NRG3: variants seen among roughly 807,000 people sequenced by gnomAD.
The protein encoded by NRG3 is neuregulin 3.
Under a neutral mutation model 66.9 loss-of-function variants are expected in NRG3, and 31 were observed. The ratio of observed to expected loss-of-function variants is 0.46; its 90% CI spans 0.35 to 0.63. The LOEUF is 0.63. Ranked by LOEUF, NRG3 falls within the 20% of genes least tolerant of loss-of-function variation. NRG3 has a pLI of 0.00. For missense variants in NRG3, 910 were observed against 878.9 expected (o/e 1.04, Z -0.45); for synonymous variants, 393 against 359.4 (o/e 1.09, Z -1.06).
At chr10:82,494,652 C>T (rs1843452371) in intron 2 of NRG3, among the ~76,000 whole-genome samples, 1 of 152,116 alleles carries the variant, frequency 6.6e-6, no homozygotes. Context: ...CTAAATCCAT[C>T]ACCCCCAGGC....
chr10:82,223,499 G>A (rs1033732113), intron 1 of NRG3, among the ~76,000 whole-genome samples: 6 of 151,984 alleles, frequency 3.9e-5, no homozygotes, highest in African/African-American at 1.2e-4. Context: ...TTTCCCCCTG[G>A]CCTATCAACT....
intron 1 of NRG3, among the ~76,000 whole-genome samples, chr10:82,186,151 C>G (rs1228783099): frequency 6.6e-6 from 1 of 152,038 alleles, no homozygotes; most frequent in African/African-American, 2.4e-5. Flanking sequence ...TTTACAGAAG[C>G]ATTCAGAACT....
rs138287235 is a variant in NRG3, at chr10:81,993,599, G to T, written c.823+117436G>T. Among the ~76,000 whole-genome samples the T allele has an allele frequency of 6.0e-4, 91 of 152,122 alleles. 3 individuals are homozygous for T. The highest frequency in any genetic ancestry group is 2.1e-3 in the African/African-American group (88 of 41,514). ...TGGCCTCAACTGATCCTCCCACCAT[G>T]TCCTCACAAAGAGGTGGAATTACAG... is the stretch of plus-strand genomic sequence containing the variant. On this transcript the variant is annotated intron_variant, in intron 1 of 8. Coordinates refer to ENST00000372141, the MANE Select transcript of NRG3 (RefSeq NM_001010848.4).
intron 3 of NRG3, among the ~76,000 whole-genome samples, chr10:82,782,663 T>C (rs1242770102): frequency 6.6e-6 from 1 of 151,934 alleles, no homozygotes; most frequent in Non-Finnish European, 1.5e-5. Flanking sequence ...TCATCATGAA[T>C]GGAGTGTTAA....
At chr10:82,900,160 G>C (rs981786683) in intron 4 of NRG3, among the ~76,000 whole-genome samples, 1 of 152,104 alleles carries the variant, frequency 6.6e-6, no homozygotes, top group Non-Finnish European at 1.5e-5. Context: ...ACACAGTATA[G>C]CGAGGACATC....
intron 1 of NRG3, among the ~76,000 whole-genome samples, chr10:81,993,675 A>G (rs1179328922): frequency 6.6e-6 from 1 of 152,154 alleles, no homozygotes; most frequent in Non-Finnish European, 1.5e-5. Context: ...TTATTTTCCA[A>G]TTCCAAATTT....
At chr10:82,410,814 C>T (rs967713113) in intron 2 of NRG3, among the ~76,000 whole-genome samples, 4 of 152,046 alleles carry the variant, frequency 2.6e-5, no homozygotes, top group African/African-American at 9.7e-5. Context: ...AATATTCTTG[C>T]ATACGTTAGC....
At chr10:82,773,231 G>T (rs1830348314) in intron 3 of NRG3, among the ~76,000 whole-genome samples, 2 of 152,016 alleles carry the variant, frequency 1.3e-5, no homozygotes, top group Non-Finnish European at 2.9e-5. Context: ...CTTTCCAACT[G>T]GGTTCACCTT....
chr10:82,675,165 G>A (rs1005665429), intron 2 of NRG3, among the ~76,000 whole-genome samples: 5 of 151,878 alleles, frequency 3.3e-5, no homozygotes, highest in Non-Finnish European at 5.9e-5. Context: ...CTATGTTGAC[G>A]AGGCTGCTCT....
At position 82,890,490 on chromosome 10, in the gene NRG3, C is replaced by G. The variant is rs796737356; in HGVS notation, c.1054+25053C>G. 6.2e-4 allele frequency among the ~76,000 whole-genome samples: 94 copies of G among 152,284 alleles called. 1 individual carries two copies. The highest frequency in any genetic ancestry group is 2.2e-3 in the African/African-American group (93 of 41,570). On this transcript the variant is annotated intron_variant, in intron 4 of 8. Coordinates refer to ENST00000372141, the MANE Select transcript of NRG3 (RefSeq NM_001010848.4). Reference sequence around the variant, plus strand: ...ATTTATTGCATATTATATATACATACATAATATACATTCATCATGTGAATA... The same window carrying G: ...ATTTATTGCATATTATATATACATAGATAATATACATTCATCATGTGAATA...
At chr10:81,987,935 T>C (rs1018594176) in intron 1 of NRG3, among the ~76,000 whole-genome samples, 3 of 152,196 alleles carry the variant, frequency 2.0e-5, no homozygotes, top group Non-Finnish European at 2.9e-5. Context: ...CATTCTTAGA[T>C]TGTCATGACC....
chr10:82,031,052 T>G (rs1415086874), intron 1 of NRG3, among the ~76,000 whole-genome samples: 1 of 152,208 alleles, frequency 6.6e-6, no homozygotes. Flanking sequence ...CACATGGATC[T>G]TCACATATGT....
chr10:81,878,224 G>GT, intron 1 of NRG3: 1 of 719,764 alleles, frequency 1.4e-6, no homozygotes, highest in South Asian at 2.1e-5. Flanking sequence ...TCTGTAAATG[G>GT]TGTCAATGTT....
In NRG3 at chr10:82,105,145, G is replaced by T. The variant is rs1336036694; in HGVS notation, c.823+228982G>T. Among the ~76,000 whole-genome samples, 4 of 152,096 alleles carry T rather than the reference G, an allele frequency of 2.6e-5. No homozygotes were observed. The East Asian group carries it at 5.8e-4, about 22-fold the overall frequency. ...TGAATTCAATGGAAATAGAATCTTT[G>T]TTATTAAAAAGTATTGGAGCTATTC... On this transcript the variant is annotated intron_variant, in intron 1 of 8. Transcript: ENST00000372141.
chr10:82,637,963 C>T (rs1038040920), intron 2 of NRG3, among the ~76,000 whole-genome samples: 1 of 152,060 alleles, frequency 6.6e-6, no homozygotes, highest in Non-Finnish European at 1.5e-5. Context: ...CACTAGAGTA[C>T]TTAAGAGTAG....
At chr10:81,889,705 G>T (rs759191404) in intron 1 of NRG3, 1 of 152,138 alleles carries the variant, frequency 6.6e-6, no homozygotes, top group Non-Finnish European at 1.5e-5. Flanking sequence ...TACATCAGCT[G>T]ACATATACAA....
chr10:82,587,135 T>C (rs2046723565), intron 2 of NRG3, among the ~76,000 whole-genome samples: 1 of 152,132 alleles, frequency 6.6e-6, no homozygotes, highest in South Asian at 2.1e-4. Context: ...AAGTATATCA[T>C]ATTTTTCCAA....
chr10:82,544,267 C>A (rs2043741663), intron 2 of NRG3, among the ~76,000 whole-genome samples: 1 of 152,172 alleles, frequency 6.6e-6, no homozygotes, highest in Admixed American at 6.5e-5. Flanking sequence ...GGAATACATT[C>A]TCCCTCATAG....
intron 2 of NRG3, among the ~76,000 whole-genome samples, chr10:82,503,536 T>C (rs951882546): frequency 2.6e-5 from 4 of 152,202 alleles, no homozygotes; most frequent in Non-Finnish European, 4.4e-5. Flanking sequence ...CTATAAAATA[T>C]CATGCACTAG....
Sources: gnomAD v4.1 joint callset for allele counts (sites outside exome capture counted in the v4.1 genomes callset) on GRCh38, gnomAD v4.1.1 for gene constraint, MANE v1.5 for transcripts, NCBI Gene and HGNC (gene_info 2026-07-23, HGNC 2026-07-21) for gene names.